Variants in HUWE1 observed in about 807,000 individuals in gnomAD.
HUWE1 encodes the protein HECT, UBA and WWE domain containing E3 ubiquitin protein ligase 1.
HUWE1 carries 18 observed loss-of-function variants against 299.4 expected under a neutral mutation model. That is an observed-to-expected ratio of 0.06 (90% CI 0.04 to 0.09). The LOEUF is 0.09. HUWE1 is among the 10% of genes least tolerant of loss of function. The pLI, the probability that HUWE1 is intolerant of heterozygous loss-of-function variation, is 1.00. For synonymous variants in HUWE1, 1,317 were observed against 1,286.1 expected (o/e 1.02, Z -0.51); for missense variants, 1,832 against 3,462.3 (o/e 0.53, Z 11.82).
chrX:53,603,663 T>C (rs2065003389), intron 26 of HUWE1, among the ~76,000 whole-genome samples, 162 bp from the exon 27 acceptor site: 1 of 112,392 alleles, frequency 8.9e-6, no homozygotes, highest in Non-Finnish European at 1.9e-5. Flanking sequence ...AAGACGACAG[T>C]TCCACAAGGT....
intron 3 of HUWE1, among the ~76,000 whole-genome samples, chrX:53,660,088 G>C (rs2068924555): frequency 8.9e-6 from 1 of 111,739 alleles, no homozygotes; most frequent in African/African-American, 3.3e-5. Flanking sequence ...TAATTTACTG[G>C]AGAGTATCTG....
chrX:53,599,007 T>C (rs2064667253), intron 29 of HUWE1, among the ~76,000 whole-genome samples: 1 of 112,548 alleles, frequency 8.9e-6, no homozygotes, highest in South Asian at 3.6e-4. Flanking sequence ...TACCCAGACT[T>C]TGAAAACCTA....
At chrX:53,675,501 G>C (rs936945571) in intron 3 of HUWE1, among the ~76,000 whole-genome samples, 2 of 111,187 alleles carry the variant, frequency 1.8e-5, no homozygotes, top group Middle Eastern at 4.7e-3. Flanking sequence ...AAAGGAAAAG[G>C]CTAAGGAACT....
At chrX:53,565,346 G>T in intron 49 of HUWE1, 107 bp from the exon 50 acceptor site, 1 of 745,028 alleles carries the variant, frequency 1.3e-6, no homozygotes, top group Non-Finnish European at 2.0e-6. Context: ...GAGAAAAGGG[G>T]CATAAGGTCG....
chrX:53,557,350 T>TA (rs1161578122), intron 60 of HUWE1, 32 bp downstream of exon 60: 3 of 1,175,079 alleles, frequency 2.6e-6, no homozygotes, highest in African/African-American at 3.5e-5. Context: ...ACCAATTGAT[T>TA]AGTAAGAAGG....
intron 29 of HUWE1, among the ~76,000 whole-genome samples, chrX:53,598,694 T>A (rs2064641828): frequency 8.9e-6 from 1 of 112,293 alleles, no homozygotes; most frequent in Admixed American, 9.5e-5. Flanking sequence ...AGATAGCTAT[T>A]AGTAGTTAAG....
chrX:53,603,324 G>A (rs782105500), intron 27 of HUWE1, 44 bp downstream of exon 27: 35 of 1,185,926 alleles, frequency 3.0e-5, no homozygotes, highest in South Asian at 3.6e-5. Context: ...CAGGCTCACC[G>A]AACTTAGATA....
intron 31 of HUWE1, 114 bp downstream of exon 31, chrX:53,594,385 T>C (rs1556982711): frequency 2.5e-6 from 2 of 806,785 alleles, no homozygotes; most frequent in African/African-American, 4.1e-5. Context: ...CAATAGCTAT[T>C]TCTATATATC....
intron 5 of HUWE1, 129 bp from the exon 6 acceptor site, chrX:53,647,703 CAT>C: frequency 1.8e-6 from 1 of 553,268 alleles, no homozygotes; most frequent in Non-Finnish European, 3.2e-6. Flanking sequence ...CACCCTTGCC[CAT>C]ATGAGAAAGA....
intron 37 of HUWE1, among the ~76,000 whole-genome samples, chrX:53,587,705 G>A (rs1556974582): frequency 9.0e-6 from 1 of 111,529 alleles, no homozygotes; most frequent in Non-Finnish European, 1.9e-5. Flanking sequence ...CAAGACAGCT[G>A]TTACACAGTT....
chrX:53,584,878 C>T (rs1373553013), intron 40 of HUWE1, 134 bp downstream of exon 40: 9 of 719,770 alleles, frequency 1.3e-5, no homozygotes, highest in South Asian at 6.7e-5. Flanking sequence ...ACTACACTAA[C>T]GATATTTGAT....
At chrX:53,683,293 G>T (rs1382894520) in intron 2 of HUWE1, among the ~76,000 whole-genome samples, 3 of 110,966 alleles carry the variant, frequency 2.7e-5, no homozygotes. Flanking sequence ...AGAGGAGGAG[G>T]AGTACACCAG....
In HUWE1 at chrX:53,632,998, C is replaced by G. The variant is rs782385250; in HGVS notation, c.568-434G>C. Among the ~76,000 whole-genome samples the G allele has an allele frequency of 4.4e-5, 5 of 112,703 alleles. No homozygotes were observed. The South Asian group carries it at 1.8e-3, about 41-fold the overall frequency. On this transcript the variant is annotated intron_variant, in intron 8 of 83. Coordinates refer to ENST00000262854, the MANE Select transcript of HUWE1 (RefSeq NM_031407.7). ...TTCCTACGAAAAACCTTGTACCTATCATCAGCCTTCTGAAATATTTAATTC... is the reference window on the plus strand; with the variant it reads ...TTCCTACGAAAAACCTTGTACCTATGATCAGCCTTCTGAAATATTTAATTC...
At position 53,631,596 on chromosome X, in the gene HUWE1, G is replaced by A; in HGVS notation, c.664C>T (p.His222Tyr). Residue 222 changes from histidine to tyrosine, a missense_variant, in exon 10 of 84, where the codon CAT becomes TAT. Around this residue, in one of 15 missense-constraint regions of HUWE1, gnomAD observed 658 missense variants for 1,282.6 expected, o/e 0.51. Transcript: ENST00000262854. ...TCAAGTTGCTCTATGTGAATATAAT[G>A]TAGTGTGTTACTAGTTGTCTAAAAT... is the stretch of plus-strand genomic sequence containing the variant. ...IEKRTTSNTLHYIHIEQLDKI... is the reference protein window; with the variant it reads ...IEKRTTSNTLYYIHIEQLDKI... 1 of 1,194,303 alleles carries A rather than the reference G, an allele frequency of 8.4e-7. No homozygotes were observed. The highest frequency in any genetic ancestry group is 1.8e-5 in the South Asian group (1 of 56,549).
At chrX:53,673,581 A>AC (rs1481150454) in intron 3 of HUWE1, among the ~76,000 whole-genome samples, 1 of 111,656 alleles carries the variant, frequency 9.0e-6, no homozygotes, top group African/African-American at 3.3e-5. Context: ...TGTTCGTTGT[A>AC]CCCTATACAA....
chrX:53,614,780 A>C (rs2065697408), intron 22 of HUWE1, 35 bp from the exon 23 acceptor site: 1 of 977,492 alleles, frequency 1.0e-6, no homozygotes, highest in African/African-American at 1.9e-5. Flanking sequence ...ACTTATTAGT[A>C]ATCATGGAAT....
chrX:53,564,365 T>C (rs1183584118), intron 51 of HUWE1, among the ~76,000 whole-genome samples: 1 of 111,702 alleles, frequency 9.0e-6, no homozygotes, highest in African/African-American at 3.3e-5. Context: ...TATCATTTCA[T>C]AGTACATGGC....
At chrX:53,552,957 G>A in intron 61 of HUWE1, 64 bp from the exon 62 acceptor site, 12 of 1,151,364 alleles carry the variant, frequency 1.0e-5, no homozygotes, top group Non-Finnish European at 1.4e-5. Flanking sequence ...TGACAGATAA[G>A]GTCTTTGATA....
intron 81 of HUWE1, among the ~76,000 whole-genome samples, chrX:53,535,182 A>C (rs782635998): frequency 9.0e-6 from 1 of 110,567 alleles, no homozygotes; most frequent in East Asian, 2.9e-4. Flanking sequence ...TGATCCGCCC[A>C]CCTTGGCCTC....
Sources: allele counts gnomAD v4.1 joint callset (sites outside exome capture counted in the v4.1 genomes callset), GRCh38; gene constraint gnomAD v4.1.1; regional missense constraint gnomAD v4.1.1; transcripts MANE v1.5; gene names NCBI Gene and HGNC (gene_info 2026-07-23, HGNC 2026-07-21).